SPATA31D1: variants seen among roughly 807,000 people sequenced by gnomAD.
SPATA31D1 encodes SPATA31 subfamily D member 1, also known as spermatogenesis-associated protein 31D1.
SPATA31D1 carries 6 observed loss-of-function variants against 13.2 expected under a neutral mutation model. That is an observed-to-expected ratio of 0.46 (90% confidence interval 0.25 to 0.90). The LOEUF is 0.90. Among genes scored for constraint, SPATA31D1 ranks in the 40% least tolerant of loss-of-function variants. The probability of loss-of-function intolerance (pLI) is 0.18; values close to 1 mark genes in which losing one functional copy is unlikely to be tolerated. For missense variants in SPATA31D1, 2,445 were observed against 1,884.7 expected, an observed-to-expected ratio of 1.30 and a Z score of -5.50; for synonymous variants, 903 against 718.8, an observed-to-expected ratio of 1.26 and a Z score of -4.10.
upstream of SPATA31D1, chr9:81,988,751 C>T: frequency 1.2e-6 from 2 of 1,609,782 alleles, no homozygotes; most frequent in South Asian, 1.1e-5. Flanking sequence ...TGATGCAGGC[C>T]TGTGCTTATA....
upstream of SPATA31D1, among the ~76,000 whole-genome samples, chr9:81,987,405 C>G (rs73478294): frequency 0.017 from 2,584 of 152,248 alleles, 67 homozygotes; most frequent in African/African-American, 0.058. Context: ...TTTGAAAACC[C>G]ACTCATAACT....
Position 81,992,142 on chromosome 9 carries a change from A to G in SPATA31D1, c.1672A>G (p.Thr558Ala). ...TCCCCAACCTCTGTCCTTGCCTAGT[A>G]CCCAACCACTACCCTTGCCTCAAAC... ...PPPQPLSLPS[T>A]QPLPLPQTLP... The change falls in exon 4 of 4, where the codon ACC becomes GCC. Residue 558 changes from threonine to alanine, a missense_variant. By Grantham distance (58) the Thr-to-Ala change is moderately conservative. Coordinates refer to ENST00000344803, the MANE Select transcript of SPATA31D1 (RefSeq NM_001001670.3). The G allele has an allele frequency of 6.2e-7, 1 of 1,613,618 alleles. No individual in the cohort carries two copies. Among genetic ancestry groups the G allele is most frequent in the South Asian group, 1.1e-5 (1 of 91,062 alleles).
rs201973001 is a variant in SPATA31D1, at chr9:81,990,828, T to C, written c.358T>C (p.Phe120Leu). Reference sequence around the variant, plus strand: ...GGGCCAGCATCATGATACCAACCACTTTCGTCGACTGTTATGCCCAGACCC... The same window carrying C: ...GGGCCAGCATCATGATACCAACCACCTTCGTCGACTGTTATGCCCAGACCC... The part of the protein sequence containing the change: ...PRGQHHDTNH[F>L]RRLLCPDPVC... The change falls in exon 4 of 4, where the codon TTT (phenylalanine) becomes CTT (leucine). Residue 120 changes from phenylalanine (F) to leucine (L), a missense_variant. By Grantham distance (22) the Phe-to-Leu change is conservative. Transcript: ENST00000344803. 17 of 1,613,828 alleles carry C rather than the reference T, an allele frequency of 1.1e-5. No homozygotes were observed. The East Asian group carries it at 3.8e-4, about 36-fold the overall frequency.
chr9:81,988,612 A>C (rs1033656387), upstream of SPATA31D1, among the ~76,000 whole-genome samples: 3 of 152,152 alleles, frequency 2.0e-5, no homozygotes, highest in African/African-American at 7.2e-5. Context: ...ATGGAGTGGC[A>C]AGGTAGGGCA....
At chr9:81,988,697 C>A (rs763653197), upstream of SPATA31D1, 50 of 1,493,884 alleles carry the variant, frequency 3.3e-5, no homozygotes, top group African/African-American at 4.1e-5. Context: ...CCTCTTGTTG[C>A]TCCCTGCACC....
At position 81,994,002 on chromosome 9, in the gene SPATA31D1, A is replaced by T. The variant is rs559912438; in HGVS notation, c.3532A>T (p.Thr1178Ser). The T allele has an allele frequency of 6.2e-7, 1 of 1,613,862 alleles. No homozygotes were observed. Among genetic ancestry groups the T allele is most frequent in the East Asian group, 2.2e-5 (1 of 44,884 alleles). Reference sequence around the variant, plus strand: ...CTCACTGACAAATGTGAAAGCAAGCACTTCCAATGAAACTGAAATTTTCCC... The same window carrying T: ...CTCACTGACAAATGTGAAAGCAAGCTCTTCCAATGAAACTGAAATTTTCCC... Reference protein sequence around the residue: ...SCSLTNVKASTSNETEIFPPR... With the variant: ...SCSLTNVKASSSNETEIFPPR... Residue 1178 changes from threonine (T) to serine (S), a missense_variant, in exon 4 of 4, where the codon ACT (threonine) becomes TCT (serine). Physicochemically the swap from Thr to Ser is moderately conservative, Grantham distance 58 (BLOSUM62 1). Transcript: ENST00000344803.
In SPATA31D1 at chr9:81,995,035, A is replaced by G; in HGVS notation, c.4565A>G (p.Lys1522Arg). 1 of 1,613,926 alleles carries G rather than the reference A, an allele frequency of 6.2e-7. No individual in the cohort carries two copies. Among genetic ancestry groups the G allele is most frequent in the East Asian group, 2.2e-5 (1 of 44,866 alleles). ...QSHPQSMPHR[K>R]PVPHPNPTCR... ...CATCCCCAATCCATGCCCCACAGGA[A>G]GCCTGTGCCACATCCAAACCCCACT... The change falls in exon 4 of 4, where the codon AAG becomes AGG. Residue 1522 changes from lysine (K) to arginine (R), a missense_variant. Coordinates refer to ENST00000344803, the MANE Select transcript of SPATA31D1 (RefSeq NM_001001670.3).
rs1286003244 is a variant in SPATA31D1 at position 81,992,239 on chromosome 9, C to T, written c.1769C>T (p.Ala590Val). The T allele has an allele frequency of 6.2e-7, 1 of 1,613,794 alleles. No homozygotes were observed. The highest frequency in any genetic ancestry group is 2.2e-5 in the East Asian group (1 of 44,884). The change falls in exon 4 of 4, where the codon GCC becomes GTC. Residue 590 changes from alanine to valine, a missense_variant. Ala to Val is a moderately conservative substitution (Grantham distance 64). Transcript: ENST00000344803. Reference sequence around the variant, plus strand: ...GCTCAACCTCAATCTCCATTCCGAGCCCTACTACCTAGTCCTCTATTCCTG... The same window carrying T: ...GCTCAACCTCAATCTCCATTCCGAGTCCTACTACCTAGTCCTCTATTCCTG... ...SLAQPQSPFR[A>V]LLPSPLFLIR...
At chr9:81,990,126 A>G (rs976178430) in intron 2 of SPATA31D1, 2 of 523,690 alleles carry the variant, frequency 3.8e-6, no homozygotes, top group African/African-American at 1.9e-5. Flanking sequence ...CTGTCTCACA[A>G]CTTTGCATAC....
upstream of SPATA31D1, among the ~76,000 whole-genome samples, chr9:81,987,790 A>G (rs1309187408): frequency 3.3e-5 from 5 of 152,202 alleles, no homozygotes; most frequent in African/African-American, 1.2e-4. Context: ...AGGCGATTAA[A>G]AAACAACAAC....
rs1263539301 is a variant in SPATA31D1, at chr9:81,993,328, A to T, written c.2858A>T (p.Gln953Leu). The change falls in exon 4 of 4, where the codon CAG becomes CTG. Residue 953 changes from glutamine to leucine, a missense_variant. Coordinates refer to ENST00000344803, the MANE Select transcript of SPATA31D1 (RefSeq NM_001001670.3). ...CCCTCCTCAGCCACCTTCATCTCTC[A>T]GGGAGATTCCAAAGATGGGGTCTCT... Reference protein sequence around the residue: ...DLPSSATFISQGDSKDGVSKS... With the variant: ...DLPSSATFISLGDSKDGVSKS... 6.2e-6 allele frequency: 10 copies of T among 1,613,830 alleles called. No homozygotes were observed. In the Admixed American group the frequency reaches 1.3e-4, roughly 22 times the overall value.
At position 81,994,489 on chromosome 9, in the gene SPATA31D1, T is replaced by G. The variant is rs1471952162; in HGVS notation, c.4019T>G (p.Leu1340Trp). ...CTTGGGAGCAAATCTTCCCCAACCT[T>G]GAAAACACAGCCTCCTCCTGAAAAC... The part of the protein sequence containing the change: ...EVLGSKSSPT[L>W]KTQPPPENLF... Residue 1340 changes from leucine to tryptophan, a missense_variant, in exon 4 of 4, where the codon TTG becomes TGG. Leu to Trp is a moderately conservative substitution (Grantham distance 61). Coordinates refer to ENST00000344803, the MANE Select transcript of SPATA31D1 (RefSeq NM_001001670.3). The G allele has an allele frequency of 6.2e-7, 1 of 1,613,344 alleles. No individual in the cohort carries two copies. The highest frequency in any genetic ancestry group is 1.3e-5 in the African/African-American group (1 of 74,914).
chr9:81,993,272 C>T lies in SPATA31D1; in HGVS notation c.2802C>T (p.Asp934=), dbSNP rs1283364469. The T allele has an allele frequency of 6.2e-7, 1 of 1,613,978 alleles. No individual in the cohort carries two copies. Among genetic ancestry groups the T allele is most frequent in the East Asian group, 2.2e-5 (1 of 44,870 alleles). The change falls in exon 4 of 4, where the codon GAC becomes GAT. Residue 934 remains aspartate, a synonymous_variant. Transcript: ENST00000344803. ...ESIEIFKSKA[D]LSTSFSHFDL... is the part of the protein sequence containing the mutation. ...TAGAAATCTTCAAATCGAAAGCGGA[C>T]CTTTCCACTTCCTTTTCCCATTTCG... is the stretch of plus-strand genomic sequence containing the variant.
Position 81,994,946 on chromosome 9 carries a change from C to T in SPATA31D1, c.4476C>T (p.Ile1492=). The change falls in exon 4 of 4, where the codon ATC becomes ATT. Residue 1492 remains isoleucine (I), a synonymous_variant. Coordinates refer to ENST00000344803, the MANE Select transcript of SPATA31D1 (RefSeq NM_001001670.3). ...ATTATCCTACAAGGATTAGACAGAT[C>T]ATAGACAAGGACAGACAGCCCCAGA... The part of the protein sequence containing the change: ...GQNYPTRIRQ[I]IDKDRQPQKV... 6.2e-7 allele frequency: 1 copy of T among 1,613,976 alleles called. No individual in the cohort carries two copies. The highest frequency in any genetic ancestry group is 8.5e-7 in the Non-Finnish European group (1 of 1,179,890).
rs374719362 is a variant in SPATA31D1 at position 81,993,296 on chromosome 9, C to T, written c.2826C>T (p.Phe942=). The T allele has an allele frequency of 4.2e-5, 67 of 1,613,976 alleles. No homozygotes were observed. Among genetic ancestry groups the T allele is most frequent in the African/African-American group, 3.5e-4 (26 of 75,038 alleles). ...KADLSTSFSH[F]DLPSSATFIS... The stretch of plus-strand genomic sequence containing the variant: ...ACCTTTCCACTTCCTTTTCCCATTT[C>T]GACCTTCCCTCCTCAGCCACCTTCA... Residue 942 remains phenylalanine, a synonymous_variant, in exon 4 of 4, where the codon TTC becomes TTT. Transcript: ENST00000344803.
upstream of SPATA31D1, among the ~76,000 whole-genome samples, chr9:81,988,587 G>A (rs1824892866): frequency 6.6e-6 from 1 of 152,140 alleles, no homozygotes; most frequent in African/African-American, 2.4e-5. Flanking sequence ...ACATGAAAAG[G>A]GATGGAGTTG....
Position 81,994,581 on chromosome 9 carries a change from C to T in SPATA31D1, c.4111C>T (p.Gln1371Ter). 1 of 1,612,856 alleles carries T rather than the reference C, an allele frequency of 6.2e-7. No homozygotes were observed. Among genetic ancestry groups the T allele is most frequent in the Non-Finnish European group, 8.5e-7 (1 of 1,179,360 alleles). ...FNKPSISYEE[Q>*]ESSWEKGSSL... The stretch of plus-strand genomic sequence containing the variant: ...TAAACCCAGCATATCATATGAAGAA[C>T]AAGAAAGTTCCTGGGAAAAGGGTAG... Residue 1371 changes from glutamine (Q) to a stop codon, truncating the protein, a stop_gained, in exon 4 of 4, where the codon CAA (glutamine) becomes TAA (stop). Transcript: ENST00000344803. LOFTEE classifies it low-confidence loss of function (END_TRUNC).
In SPATA31D1 at chr9:81,993,517, A is replaced by G. The variant is rs555017647; in HGVS notation, c.3047A>G (p.Asp1016Gly). Residue 1016 changes from aspartate (D) to glycine (G), a missense_variant, in exon 4 of 4, where the codon GAT (aspartate) becomes GGT (glycine). Physicochemically the swap from Asp to Gly is moderately conservative, Grantham distance 94. Coordinates refer to ENST00000344803, the MANE Select transcript of SPATA31D1 (RefSeq NM_001001670.3). Reference protein sequence around the residue: ...SDTDHDLIETDSKDGASTSLR... With the variant: ...SDTDHDLIETGSKDGASTSLR... ...ACTGACCATGACCTTATAGAGACAGATTCCAAAGACGGGGCCTCCACATCC... is the reference window on the plus strand; with the variant it reads ...ACTGACCATGACCTTATAGAGACAGGTTCCAAAGACGGGGCCTCCACATCC... The G allele has an allele frequency of 3.4e-4, 546 of 1,613,738 alleles. 8 individuals carry two copies. The South Asian group carries it at 5.8e-3, about 17-fold the overall frequency.
chr9:81,989,693 A>AATGAATG, intron 1 of SPATA31D1, 85 bp from the exon 2 acceptor site: 1 of 1,334,072 alleles, frequency 7.5e-7, no homozygotes, highest in South Asian at 1.2e-5. Flanking sequence ...ATAATGAATG[A>AATGAATG]ATGAATGAAT....
Sources: gnomAD v4.1 joint callset for allele counts (sites outside exome capture counted in the v4.1 genomes callset) on GRCh38, gnomAD v4.1.1 for gene constraint, MANE v1.5 for transcripts, NCBI Gene and HGNC (gene_info 2026-07-23, HGNC 2026-07-21) for gene names.